SCNN1G: variants seen among roughly 807,000 people sequenced by gnomAD.
SCNN1G encodes epithelial sodium channel subunit gamma.
In SCNN1G, 27 loss-of-function variants were observed where a neutral mutation model predicts 64.6. That is an observed-to-expected ratio of 0.42 (90% CI 0.31 to 0.58). The LOEUF (loss-of-function observed/expected upper bound fraction) is 0.58. SCNN1G is among the 20% of genes least tolerant of loss of function. The pLI, the probability that SCNN1G is intolerant of heterozygous loss-of-function variation, is 0.18. For missense variants in SCNN1G, 743 were observed against 823.4 expected (o/e 0.90, Z 1.19); for synonymous variants, 330 against 314.2 (o/e 1.05, Z -0.53).
chr16:23,210,748 T>G (rs894899290), intron 7 of SCNN1G, among the ~76,000 whole-genome samples: 2 of 152,140 alleles, frequency 1.3e-5, no homozygotes, highest in Non-Finnish European at 2.9e-5. Context: ...AGAGGACTTT[T>G]GGGCCAGGCA....
intron 6 of SCNN1G, among the ~76,000 whole-genome samples, chr16:23,198,407 C>G (rs1338142450): frequency 1.3e-5 from 2 of 152,240 alleles, no homozygotes; most frequent in Non-Finnish European, 2.9e-5. Flanking sequence ...ATCTGCCTCT[C>G]CCTTTCTCTC....
chr16:23,193,964 A>G (rs951972130), intron 4 of SCNN1G, among the ~76,000 whole-genome samples: 2 of 116,852 alleles, frequency 1.7e-5, no homozygotes, highest in Non-Finnish European at 3.3e-5. Context: ...AGAAAACAGA[A>G]GGCAGAGAGT....
chr16:23,199,672 T>C (rs1049986606), intron 6 of SCNN1G, among the ~76,000 whole-genome samples: 2 of 120,830 alleles, frequency 1.7e-5, no homozygotes, highest in East Asian at 2.4e-4. Context: ...TCTTTTTTTT[T>C]TTTTTTTTTT....
Position 23,198,740 on chromosome 16 carries a change from AAAAC to A in SCNN1G, c.1077+1329_1077+1332del, listed in dbSNP as rs373979995. Among the ~76,000 whole-genome samples, 466 of 151,982 alleles carry A rather than the reference AAAAC, an allele frequency of 3.1e-3. 1 individual carries two copies. The highest frequency in any genetic ancestry group is 0.01 in the African/African-American group (434 of 41,442). ...GGTGACAGAGTAAGACTCTGTCTCA[AAAAC>A]AAACAAACAAACAAAAACTGATTTA... On this transcript the variant is annotated intron_variant, in intron 6 of 12. Transcript: ENST00000300061.
chr16:23,187,693 G>A (rs1021784052), intron 2 of SCNN1G, among the ~76,000 whole-genome samples: 1 of 152,142 alleles, frequency 6.6e-6, no homozygotes, highest in South Asian at 2.1e-4. Flanking sequence ...AATAAACCCA[G>A]CCCCATTAAT....
At chr16:23,202,264 G>GGGGA (rs1959902315) in intron 6 of SCNN1G, among the ~76,000 whole-genome samples, 1 of 98,602 alleles carries the variant, frequency 1.0e-5, no homozygotes, top group Non-Finnish European at 2.1e-5. Flanking sequence ...GGGTGGGTGG[G>GGGGA]TGGATGGATG....
At chr16:23,193,672 CAATAA>C (rs1031545214) in intron 4 of SCNN1G, among the ~76,000 whole-genome samples, 36 of 152,038 alleles carry the variant, frequency 2.4e-4, no homozygotes, top group Non-Finnish European at 4.0e-4. Context: ...CAATACAATA[CAATAA>C]AATAAAACAC....
chr16:23,189,783 C>A, intron 3 of SCNN1G, 112 bp downstream of exon 3: 1 of 1,046,544 alleles, frequency 9.6e-7, no homozygotes, highest in East Asian at 2.4e-5. Flanking sequence ...GAAATACACC[C>A]AGCTGGGGTC....
At chr16:23,198,281 C>T (rs914869723) in intron 6 of SCNN1G, among the ~76,000 whole-genome samples, 5 of 152,182 alleles carry the variant, frequency 3.3e-5, no homozygotes, top group African/African-American at 1.2e-4. Context: ...CCGAGTCAGC[C>T]TTGCCCAATG....
chr16:23,189,266 T>C (rs566660300), intron 2 of SCNN1G, 105 bp from the exon 3 acceptor site: 1 of 1,171,978 alleles, frequency 8.5e-7, no homozygotes. Flanking sequence ...TTGGGAAAGG[T>C]GGGCATGAGG....
At chr16:23,190,866 C>T (rs1254872325) in intron 3 of SCNN1G, among the ~76,000 whole-genome samples, 1 of 85,964 alleles carries the variant, frequency 1.2e-5, no homozygotes, top group Non-Finnish European at 2.1e-5. Flanking sequence ...TTTTTTGAGA[C>T]AGAGTCTCAT....
At chr16:23,209,969 C>T (rs1240748945) in intron 7 of SCNN1G, 121 bp downstream of exon 7, 2 of 742,048 alleles carry the variant, frequency 2.7e-6, no homozygotes, top group African/African-American at 3.5e-5. Context: ...TGGGGTTCAT[C>T]CAGAGACCTC....
intron 3 of SCNN1G, among the ~76,000 whole-genome samples, chr16:23,191,561 G>A (rs1179509105): frequency 3.3e-5 from 5 of 152,106 alleles, no homozygotes; most frequent in African/African-American, 1.2e-4. Flanking sequence ...AAGTAGCTTG[G>A]ACTACAAGAA....
At chr16:23,205,719 G>T (rs910483293) in intron 6 of SCNN1G, among the ~76,000 whole-genome samples, 20 of 135,330 alleles carry the variant, frequency 1.5e-4, no homozygotes, top group African/African-American at 4.8e-4. Context: ...AAAAAAAAAA[G>T]TCCCTCCCAG....
At chr16:23,189,797 C>A in intron 3 of SCNN1G, 126 bp downstream of exon 3, 2 of 954,612 alleles carry the variant, frequency 2.1e-6, no homozygotes, top group African/African-American at 1.6e-5. Context: ...TGGGGTCAGA[C>A]ACAGTGACTC....
At chr16:23,212,582 A>T in intron 8 of SCNN1G, 96 bp from the exon 9 acceptor site, 1 of 922,104 alleles carries the variant, frequency 1.1e-6, no homozygotes, top group Non-Finnish European at 1.8e-6. Context: ...AGAAATCATT[A>T]AAATGAGACT....
At chr16:23,192,602 C>T (rs1275619844) in intron 4 of SCNN1G, 60 bp downstream of exon 4, 7 of 1,392,550 alleles carry the variant, frequency 5.0e-6, no homozygotes, top group Non-Finnish European at 7.0e-6. Context: ...GTACCAGGCC[C>T]CTTGCAGGAA....
Position 23,216,030 on chromosome 16 carries a change from A to G in SCNN1G, c.*561A>G, listed in dbSNP as rs906032466. The G allele has an allele frequency of 4.9e-5, 9 of 182,978 alleles. No individual in the cohort carries two copies. Among genetic ancestry groups the G allele is most frequent in the Non-Finnish European group, 1.0e-4 (9 of 86,672 alleles). 11.3% of individuals were successfully genotyped at this position (182,978 alleles called of 1,614,324 possible). A position where few individuals can be genotyped will look rare whatever the true frequency, so the allele number is the denominator to read the frequency against. ...TCCTCCATGCCCTCAGGCAGCAGAGAACTGGCCCAGAGCCCTTGGAGTGTT... is the reference window on the plus strand; with the variant it reads ...TCCTCCATGCCCTCAGGCAGCAGAGGACTGGCCCAGAGCCCTTGGAGTGTT... On this transcript the variant is annotated 3_prime_UTR_variant, in exon 13 of 13. Coordinates refer to ENST00000300061, the MANE Select transcript of SCNN1G (RefSeq NM_001039.4).
At position 23,192,435 on chromosome 16, in the gene SCNN1G, C is replaced by T. The variant is rs780014473; in HGVS notation, c.702C>T (p.Tyr234=). ...NAIQEWYKLH[Y]MNIMAQVPLE... ...TTCAGGAGTGGTATAAGCTACACTA[C>T]ATGAACATCATGGCACAGGTGCCTC... The change falls in exon 4 of 13, where the codon TAC becomes TAT. Residue 234 remains tyrosine (Y), a synonymous_variant. Coordinates refer to ENST00000300061, the MANE Select transcript of SCNN1G (RefSeq NM_001039.4). 2.5e-6 allele frequency: 4 copies of T among 1,613,960 alleles called. No individual in the cohort carries two copies. The highest frequency in any genetic ancestry group is 3.4e-6 in the Non-Finnish European group (4 of 1,179,884).
Sources: allele counts gnomAD v4.1 joint callset (sites outside exome capture counted in the v4.1 genomes callset), GRCh38; gene constraint gnomAD v4.1.1; transcripts MANE v1.5; gene names NCBI Gene and HGNC (gene_info 2026-07-23, HGNC 2026-07-21).